DNAJC1: variants seen among roughly 807,000 people sequenced by gnomAD.
DNAJC1 encodes the protein dnaJ homolog subfamily C member 1.
Under a neutral mutation model 76.6 loss-of-function variants are expected in DNAJC1, and 58 were observed. The ratio of observed to expected loss-of-function variants is 0.76; its 90% CI spans 0.61 to 0.94. DNAJC1 has a LOEUF of 0.94. Ranked by LOEUF, DNAJC1 falls within the 40% of genes least tolerant of loss-of-function variation. DNAJC1 has a pLI of 0.00. For missense variants in DNAJC1, 689 were observed against 677.3 expected, an observed-to-expected ratio of 1.02 and a Z score of -0.19; for synonymous variants, 258 against 267.9, an observed-to-expected ratio of 0.96 and a Z score of 0.36.
intron 8 of DNAJC1, among the ~76,000 whole-genome samples, chr10:21,871,700 T>C: frequency 6.6e-6 from 1 of 152,012 alleles, no homozygotes; most frequent in East Asian, 1.9e-4. Flanking sequence ...CAGGCTGGAG[T>C]GCAGTGGCGT....
At position 21,804,035 on chromosome 10, in the gene DNAJC1, A is replaced by T. The variant is rs944172452; in HGVS notation, c.1098+1945T>A. ...TGGGATGAATTTGCAAAAGTTTAAA[A>T]AGATGCTTTTGACAGCACCAAGACT... On this transcript the variant is annotated intron_variant, in intron 9 of 11. Transcript: ENST00000376980. 8.9e-6 allele frequency: 8 copies of T among 900,390 alleles called. No individual in the cohort carries two copies. In the African/African-American group the frequency reaches 1.4e-4, roughly 16 times the overall value. The allele number at this position is 900,390 out of a possible 1,614,324, so 55.8% of individuals were successfully genotyped here. A position where few individuals can be genotyped will look rare whatever the true frequency, so the allele number is the denominator to read the frequency against.
chr10:21,871,507 T>C (rs1206521630), intron 8 of DNAJC1, among the ~76,000 whole-genome samples: 3 of 151,984 alleles, frequency 2.0e-5, no homozygotes, highest in Non-Finnish European at 4.4e-5. Flanking sequence ...TAACAAAAAA[T>C]AGAGACTTCA....
intron 7 of DNAJC1, among the ~76,000 whole-genome samples, chr10:21,903,198 C>T (rs1590041033): frequency 1.3e-5 from 2 of 152,094 alleles, no homozygotes; most frequent in Admixed American, 1.3e-4. Context: ...GGATTACAGG[C>T]GTAAGCCACT....
At chr10:21,937,815 T>C (rs1370550398) in intron 1 of DNAJC1, among the ~76,000 whole-genome samples, 2 of 152,128 alleles carry the variant, frequency 1.3e-5, no homozygotes, top group African/African-American at 4.8e-5. Context: ...CAAAAGGAAA[T>C]TTGAAAAATT....
chr10:21,762,507 A>G (rs942375405), intron 10 of DNAJC1, among the ~76,000 whole-genome samples: 2 of 152,248 alleles, frequency 1.3e-5, no homozygotes, highest in African/African-American at 4.8e-5. Context: ...CTGCTGGCCA[A>G]GTTTACCATG....
chr10:21,759,692 G>C, intron 10 of DNAJC1, 74 bp from the exon 11 acceptor site: 2 of 1,438,006 alleles, frequency 1.4e-6, no homozygotes, highest in Non-Finnish European at 1.9e-6. Context: ...AGCAGCTGCC[G>C]GGCACAGAGC....
At chr10:21,826,133 T>C (rs751609675) in intron 8 of DNAJC1, among the ~76,000 whole-genome samples, 28 of 151,124 alleles carry the variant, frequency 1.9e-4, no homozygotes, top group Non-Finnish European at 3.2e-4. Context: ...AGCTCCTCGG[T>C]AGGCTGAGGC....
chr10:21,900,131 T>C (rs573622252), intron 7 of DNAJC1, among the ~76,000 whole-genome samples: 1 of 152,170 alleles, frequency 6.6e-6, no homozygotes, highest in East Asian at 1.9e-4. Context: ...TCACCTGAGG[T>C]CAGGAGTTCG....
intron 9 of DNAJC1, among the ~76,000 whole-genome samples, chr10:21,799,801 A>C (rs1267836087): frequency 6.6e-6 from 1 of 151,996 alleles, no homozygotes; most frequent in Non-Finnish European, 1.5e-5. Flanking sequence ...GAAAATTTCT[A>C]GGAAAGGGTA....
intron 9 of DNAJC1, among the ~76,000 whole-genome samples, chr10:21,782,773 T>A (rs377382442): frequency 6.6e-6 from 1 of 152,044 alleles, no homozygotes; most frequent in African/African-American, 2.4e-5. Context: ...ACGTAATCCA[T>A]CATATAAACA....
intron 7 of DNAJC1, among the ~76,000 whole-genome samples, chr10:21,885,523 A>G (rs1836355593): frequency 6.6e-6 from 1 of 152,126 alleles, no homozygotes; most frequent in Non-Finnish European, 1.5e-5. Context: ...CTACCCCCAA[A>G]CAACAGAATA....
intron 8 of DNAJC1, among the ~76,000 whole-genome samples, chr10:21,829,338 C>T (rs936262466): frequency 3.3e-4 from 51 of 152,248 alleles, no homozygotes; most frequent in African/African-American, 1.2e-3. Context: ...CTCAGCCTCC[C>T]GGGTAGGCGG....
intron 8 of DNAJC1, among the ~76,000 whole-genome samples, chr10:21,812,204 G>T (rs1049341177): frequency 2.6e-5 from 4 of 151,894 alleles, no homozygotes; most frequent in Non-Finnish European, 5.9e-5. Context: ...GATTACAGGT[G>T]CCCGCCACCA....
chr10:21,807,488 A>G (rs1373633774), intron 8 of DNAJC1, among the ~76,000 whole-genome samples: 1 of 152,178 alleles, frequency 6.6e-6, no homozygotes, highest in Admixed American at 6.5e-5. Flanking sequence ...AGCTTCACTC[A>G]TAATCAAAGT....
chr10:21,764,190 T>G (rs1248180251), intron 10 of DNAJC1, among the ~76,000 whole-genome samples: 1 of 152,180 alleles, frequency 6.6e-6, no homozygotes, highest in Non-Finnish European at 1.5e-5. Flanking sequence ...TACTATGGAC[T>G]ACTATGGAGC....
At chr10:21,794,776 A>C (rs1834734170) in intron 9 of DNAJC1, among the ~76,000 whole-genome samples, 2 of 152,176 alleles carry the variant, frequency 1.3e-5, no homozygotes, top group Non-Finnish European at 2.9e-5. Context: ...AAAAACAAAA[A>C]GACAAACCAC....
At chr10:21,906,364 A>T (rs1836745794) in intron 6 of DNAJC1, among the ~76,000 whole-genome samples, 1 of 143,118 alleles carries the variant, frequency 7.0e-6, no homozygotes, top group African/African-American at 2.7e-5. Flanking sequence ...CACCCCCCTT[A>T]AAAAAAGTCA....
At chr10:21,804,083 C>T (rs1834852675) in intron 9 of DNAJC1, 1 of 458,950 alleles carries the variant, frequency 2.2e-6, no homozygotes, top group South Asian at 9.3e-5. Flanking sequence ...TAAGTATATA[C>T]TAGGATCTAT....
intron 1 of DNAJC1, among the ~76,000 whole-genome samples, chr10:21,940,619 A>C (rs1837391166): frequency 6.6e-6 from 1 of 152,198 alleles, no homozygotes; most frequent in African/African-American, 2.4e-5. Context: ...ACTAGTATCT[A>C]AATAAATTTA....
Sources: allele counts gnomAD v4.1 joint callset (sites outside exome capture counted in the v4.1 genomes callset), GRCh38; gene constraint gnomAD v4.1.1; transcripts MANE v1.5; gene names NCBI Gene and HGNC (gene_info 2026-07-23, HGNC 2026-07-21).